Variants in ABCA7 observed in about 807,000 individuals in gnomAD.
The protein encoded by ABCA7 is ATP binding cassette subfamily A member 7.
Under a neutral mutation model 227.6 loss-of-function variants are expected in ABCA7, and 261 were observed. That is an observed-to-expected ratio of 1.15 (90% CI 1.04 to 1.27). ABCA7 has a LOEUF of 1.27. Among genes scored for constraint, ABCA7 ranks in the 50% most tolerant of loss-of-function variants. ABCA7 has a pLI of 0.00. For synonymous variants in ABCA7, 1,488 were observed against 1,279.7 expected, an observed-to-expected ratio of 1.16 and a Z score of -3.47; for missense variants, 3,331 against 2,924.5, an observed-to-expected ratio of 1.14 and a Z score of -3.21.
In ABCA7 at chr19:1,055,901, C is replaced by G; in HGVS notation, c.4206-6C>G. On this transcript the variant is annotated splice_region_variant and splice_polypyrimidine_tract_variant and intron_variant, in intron 30 of 46. Coordinates refer to ENST00000263094, the MANE Select transcript of ABCA7 (RefSeq NM_019112.4). ...CTGCCTGTGTCTCTGTCCATCTCTCCCACAGCCTGAAGACTAAGAAGTGGG... is the reference window on the plus strand; with the variant it reads ...CTGCCTGTGTCTCTGTCCATCTCTCGCACAGCCTGAAGACTAAGAAGTGGG... The G allele has an allele frequency of 6.3e-7, 1 of 1,589,420 alleles. No homozygotes were observed. The highest frequency in any genetic ancestry group is 8.6e-7 in the Non-Finnish European group (1 of 1,167,254).
At chr19:1,041,171 T>G in intron 1 of ABCA7, 54 bp from the exon 2 acceptor site, 1 of 644,114 alleles carries the variant, frequency 1.6e-6, no homozygotes, top group Non-Finnish European at 2.8e-6. Flanking sequence ...ACTCCACCCC[T>G]GGGGTAGCGG....
At chr19:1,045,801 C>T (rs893208053) in intron 12 of ABCA7, among the ~76,000 whole-genome samples, 7 of 151,792 alleles carry the variant, frequency 4.6e-5, no homozygotes, top group African/African-American at 1.5e-4. Flanking sequence ...GAGATCAAGA[C>T]CATCCTGACT....
chr19:1,046,374 G>T lies in ABCA7; in HGVS notation c.1590G>T (p.Gln530His). ...ACCCCCGGGCCGGCCTCTACCTGCA[G>T]CAGATGCCCTATCCGTGCTATGTGG... ...GANPRAGLYL[Q>H]QMPYPCYVDD... The change falls in exon 13 of 47, where the codon CAG becomes CAT. Residue 530 changes from glutamine (Q) to histidine (H), a missense_variant. By Grantham distance (24) the Gln-to-His change is conservative (BLOSUM62 0). Coordinates refer to ENST00000263094, the MANE Select transcript of ABCA7 (RefSeq NM_019112.4). The T allele has an allele frequency of 6.3e-7, 1 of 1,588,616 alleles. No homozygotes were observed. The highest frequency in any genetic ancestry group is 8.5e-7 in the Non-Finnish European group (1 of 1,171,088).
chr19:1,060,089 C>G (rs908138624), intron 40 of ABCA7, among the ~76,000 whole-genome samples: 1 of 152,144 alleles, frequency 6.6e-6, no homozygotes, highest in Non-Finnish European at 1.5e-5. Flanking sequence ...AGTTCACATT[C>G]AAGCACCTAC....
rs1405281481 is a variant in ABCA7, at chr19:1,055,221, T to C, written c.4075T>C (p.Cys1359Arg). ...CGGTGCCCGGCGCCTGCTGCCCGACTGCCCGGCTGCAGCTGGTGGTCCCCC... is the reference window on the plus strand; with the variant it reads ...CGGTGCCCGGCGCCTGCTGCCCGACCGCCCGGCTGCAGCTGGTGGTCCCCC... The part of the protein sequence containing the change: ...RPGARRLLPD[C>R]PAAAGGPPPP... The change falls in exon 30 of 47, where the codon TGC (cysteine) becomes CGC (arginine). Residue 1359 changes from cysteine to arginine, a missense_variant. Transcript: ENST00000263094. 1.2e-6 allele frequency: 2 copies of C among 1,608,084 alleles called. No individual in the cohort carries two copies. Among genetic ancestry groups the C allele is most frequent in the East Asian group, 4.5e-5 (2 of 44,584 alleles).
At chr19:1,051,808 G>T in intron 21 of ABCA7, 134 bp from the exon 22 acceptor site, 1 of 1,279,028 alleles carries the variant, frequency 7.8e-7, no homozygotes, top group African/African-American at 1.5e-5. Context: ...TTCCAACAAG[G>T]AGGTTCTGGG....
chr19:1,055,784 G>A (rs1260267379), intron 30 of ABCA7, 123 bp from the exon 31 acceptor site: 1 of 1,031,150 alleles, frequency 9.7e-7, no homozygotes, highest in African/African-American at 1.6e-5. Context: ...TTACAGGCAG[G>A]AGCCACCGCG....
At chr19:1,050,758 C>CG (rs1568321354) in intron 18 of ABCA7, among the ~76,000 whole-genome samples, 163 bp from the exon 19 acceptor site, 2 of 149,482 alleles carry the variant, frequency 1.3e-5, no homozygotes, top group African/African-American at 4.9e-5. Flanking sequence ...CCAGCCTGGG[C>CG]AACAGAGTGA....
rs118052444 is a variant in ABCA7 at position 1,056,765 on chromosome 19, C to T, written c.4587-142C>T. On this transcript the variant is annotated intron_variant, in intron 33 of 46. Transcript: ENST00000263094. This position sits in a 1 kb window ranked among gnomAD's most constrained non-coding sequence, Gnocchi z 4.3. ...AACCTCTGCTGCCAAATCCCAGGCA[C>T]CCTCATCCCTAAATTGCCCCTGCCA... 7,533 of 1,020,486 alleles carry T rather than the reference C, an allele frequency of 7.4e-3. 40 individuals are homozygous for T. The highest frequency in any genetic ancestry group is 8.1e-3 in the Non-Finnish European group (5,510 of 680,202). The allele number at this position is 1,020,486 out of a possible 1,614,324, so 63.2% of individuals were successfully genotyped here. A position where few individuals can be genotyped will look rare whatever the true frequency, so the allele number is the denominator to read the frequency against.
chr19:1,057,492 C>T, intron 35 of ABCA7, 63 bp downstream of exon 35: 1 of 1,463,888 alleles, frequency 6.8e-7, no homozygotes. Context: ...CACATTAATG[C>T]TGCTGAGATA....
chr19:1,050,292 A>G (rs1398262387), intron 18 of ABCA7, among the ~76,000 whole-genome samples: 2 of 151,700 alleles, frequency 1.3e-5, no homozygotes, highest in African/African-American at 2.4e-5. Context: ...TGCACCTGTA[A>G]TCCCAGCTAC....
rs2040533278 is a variant in ABCA7, at chr19:1,045,486, G to T, written c.1445+255G>T. 11 of 511,572 alleles carry T rather than the reference G, an allele frequency of 2.2e-5. No individual in the cohort carries two copies. The South Asian group carries it at 2.3e-4, about 10-fold the overall frequency. The allele number at this position is 511,572 out of a possible 1,614,324, so 31.7% of individuals were successfully genotyped here. A position where few individuals can be genotyped will look rare whatever the true frequency, so the allele number is the denominator to read the frequency against. On this transcript the variant is annotated intron_variant, in intron 12 of 46. Transcript: ENST00000263094. ...CAGGTATAGGTTGAGGGCAATGGTG[G>T]GCGGAGCCAGGTGTATTATTAGGTC... is the stretch of plus-strand genomic sequence containing the variant.
chr19:1,041,319 C>G lies in ABCA7; in HGVS notation c.-43C>G, dbSNP rs772358835. On this transcript the variant is annotated 5_prime_UTR_variant, in exon 2 of 47. Transcript: ENST00000263094. ...CCGCACCGCACGTCTTCAGCCCGACCGTTGTCCTGACCTCTCTGTCCCGTC... is the reference window on the plus strand; with the variant it reads ...CCGCACCGCACGTCTTCAGCCCGACGGTTGTCCTGACCTCTCTGTCCCGTC... 1 of 1,605,710 alleles carries G rather than the reference C, an allele frequency of 6.2e-7. No individual in the cohort carries two copies. Among genetic ancestry groups the G allele is most frequent in the Admixed American group, 1.7e-5 (1 of 59,974 alleles).
chr19:1,051,777 G>T (rs1439712306), intron 21 of ABCA7, among the ~76,000 whole-genome samples, 165 bp from the exon 22 acceptor site: 2 of 152,134 alleles, frequency 1.3e-5, no homozygotes, highest in Non-Finnish European at 2.9e-5. Context: ...CCTGGATTCT[G>T]CCTGAAGGGC....
Position 1,058,709 on chromosome 19 carries a change from C to T in ABCA7, c.5241C>T (p.Phe1747=). 1 of 1,614,024 alleles carries T rather than the reference C, an allele frequency of 6.2e-7. No homozygotes were observed. Among genetic ancestry groups the T allele is most frequent in the Non-Finnish European group, 8.5e-7 (1 of 1,180,000 alleles). ...TACAGGGGCCCCTCTTCCTTCTCTT[C>T]ACACTACTGCTGCAGCACCGAAGCC... ...MVIQGPLFLL[F]TLLLQHRSQL... Residue 1747 remains phenylalanine (F), a synonymous_variant, in exon 38 of 47, where the codon TTC becomes TTT. Transcript: ENST00000263094.
rs765263916 is a variant in ABCA7 at position 1,056,541 on chromosome 19, C to A, written c.4586+42C>A. ...TGCATGTCCTACCCTGCACGTCCTA[C>A]CCTGCCTCCATTTCTCTGTCGTTTG... On this transcript the variant is annotated intron_variant, in intron 33 of 46. Coordinates refer to ENST00000263094, the MANE Select transcript of ABCA7 (RefSeq NM_019112.4). This position sits in a 1 kb window ranked among gnomAD's most constrained non-coding sequence, Gnocchi z 4.3. 1.4e-5 allele frequency: 22 copies of A among 1,568,432 alleles called. 1 individual carries two copies. The South Asian group carries it at 2.3e-4, about 16-fold the overall frequency.
chr19:1,055,212 C>A lies in ABCA7; in HGVS notation c.4066C>A (p.Leu1356Met). 2 of 1,608,320 alleles carry A rather than the reference C, an allele frequency of 1.2e-6. No individual in the cohort carries two copies. The highest frequency in any genetic ancestry group is 1.7e-6 in the Non-Finnish European group (2 of 1,177,874). ...QCSRPGARRL[L>M]PDCPAAAGGP... ...TAGCCGGCCCGGTGCCCGGCGCCTG[C>A]TGCCCGACTGCCCGGCTGCAGCTGG... is the stretch of plus-strand genomic sequence containing the variant. The change falls in exon 30 of 47, where the codon CTG (leucine) becomes ATG (methionine). Residue 1356 changes from leucine to methionine, a missense_variant. By Grantham distance (15) the Leu-to-Met change is conservative. Transcript: ENST00000263094.
At position 1,051,187 on chromosome 19, in the gene ABCA7, G is replaced by A; in HGVS notation, c.2717G>A (p.Gly906Glu). 1.2e-6 allele frequency: 2 copies of A among 1,611,184 alleles called. No individual in the cohort carries two copies. Among genetic ancestry groups the A allele is most frequent in the Non-Finnish European group, 1.7e-6 (2 of 1,179,914 alleles). Reference protein sequence around the residue: ...LTVDEHVWFYGRLKGLSAAVV... With the variant: ...LTVDEHVWFYERLKGLSAAVV... ...GTGGACGAGCACGTCTGGTTCTATG[G>A]GCGGCTGAAGGGTCTGAGTGCCGCT... is the stretch of plus-strand genomic sequence containing the variant. The change falls in exon 20 of 47, where the codon GGG (glycine) becomes GAG (glutamate). Residue 906 changes from glycine (G) to glutamate (E), a missense_variant. Transcript: ENST00000263094.
chr19:1,057,938 A>C lies in ABCA7; in HGVS notation c.4904A>C (p.Tyr1635Ser). The change falls in exon 36 of 47, where the codon TAC becomes TCC. Residue 1635 changes from tyrosine to serine, a missense_variant. Physicochemically the swap from Tyr to Ser is moderately radical, Grantham distance 144. Coordinates refer to ENST00000263094, the MANE Select transcript of ABCA7 (RefSeq NM_019112.4). Reference sequence around the variant, plus strand: ...AGCTGGTCGATCACACCGCTCATGTACCCAGCCTCCTTCTTCTTCTCCGTG... The same window carrying C: ...AGCTGGTCGATCACACCGCTCATGTCCCCAGCCTCCTTCTTCTTCTCCGTG... The part of the protein sequence containing the change: ...LYGWSITPLM[Y>S]PASFFFSVPS... 6.2e-7 allele frequency: 1 copy of C among 1,613,976 alleles called. No individual in the cohort carries two copies. The highest frequency in any genetic ancestry group is 1.1e-5 in the South Asian group (1 of 91,082).
Sources: gnomAD v4.1 joint callset for allele counts (sites outside exome capture counted in the v4.1 genomes callset) on GRCh38, gnomAD v4.1.1 for gene constraint, Gnocchi (gnomAD v3.1) non-coding constraint, MANE v1.5 for transcripts, NCBI Gene and HGNC (gene_info 2026-07-23, HGNC 2026-07-21) for gene names.